The following CHD6 variants were observed in gnomAD, a reference collection of about 807,000 sequenced individuals.
CHD6 encodes ATP-dependent chromatin remodeler CHD6.
A neutral mutation model predicts 276.9 loss-of-function variants in CHD6; 50 were observed. The observed-to-expected ratio is 0.18, with a 90% CI of 0.14 to 0.23. CHD6 has a LOEUF of 0.23. Ranked by LOEUF, CHD6 falls within the 10% of genes least tolerant of loss-of-function variation. The pLI is 1.00. For missense variants in CHD6, 2,564 were observed against 3,365.8 expected (o/e 0.76, Z 5.89); for synonymous variants, 1,173 against 1,229.3 (o/e 0.95, Z 0.96).
At chr20:41,581,548 G>A (rs1601164083) in intron 1 of CHD6, among the ~76,000 whole-genome samples, 1 of 151,932 alleles carries the variant, frequency 6.6e-6, no homozygotes, top group Admixed American at 6.6e-5. Context: ...GGTGGTGCGT[G>A]CCTATAGTCC....
At chr20:41,532,679 A>C (rs1399570230) in intron 3 of CHD6, among the ~76,000 whole-genome samples, 1 of 152,226 alleles carries the variant, frequency 6.6e-6, no homozygotes, top group Admixed American at 6.5e-5. Context: ...GACACAAAGA[A>C]CATATAAACA....
intron 20 of CHD6, among the ~76,000 whole-genome samples, chr20:41,453,359 C>T (rs2048297661): frequency 6.6e-6 from 1 of 152,210 alleles, no homozygotes; most frequent in Non-Finnish European, 1.5e-5. Context: ...TCCATCTGCT[C>T]AGCAACTTTC....
intron 11 of CHD6, 80 bp downstream of exon 11, chr20:41,491,618 T>C (rs1477924876): frequency 1.7e-5 from 26 of 1,544,244 alleles, no homozygotes; most frequent in Non-Finnish European, 2.3e-5. Flanking sequence ...ACCAGTCTGC[T>C]ACTGCGACTC....
At chr20:41,448,764 G>C (rs1038818464) in intron 23 of CHD6, among the ~76,000 whole-genome samples, 1 of 152,110 alleles carries the variant, frequency 6.6e-6, no homozygotes, top group Non-Finnish European at 1.5e-5. Context: ...ATTAGATCTG[G>C]GTAGAAAGTG....
At chr20:41,595,094 C>T (rs998996250) in intron 1 of CHD6, among the ~76,000 whole-genome samples, 3 of 152,188 alleles carry the variant, frequency 2.0e-5, no homozygotes, top group African/African-American at 4.8e-5. Context: ...ATGTGTCCCA[C>T]TGCCTTGTTG....
intron 5 of CHD6, among the ~76,000 whole-genome samples, chr20:41,501,520 C>T (rs2043828941): frequency 6.6e-6 from 1 of 152,024 alleles, no homozygotes; most frequent in Non-Finnish European, 1.5e-5. Context: ...TTTTTTAACA[C>T]TGTGAAGTAT....
chr20:41,534,532 C>G (rs2044777543), intron 2 of CHD6, among the ~76,000 whole-genome samples: 1 of 150,360 alleles, frequency 6.7e-6, no homozygotes, highest in African/African-American at 2.5e-5. Flanking sequence ...CCAAACATAA[C>G]ACTGAGAATC....
At position 41,574,658 on chromosome 20, in the gene CHD6, C is replaced by T. The variant is rs115038245; in HGVS notation, c.-23-23298G>A. Among the ~76,000 whole-genome samples, 1,354 of 152,092 alleles carry T rather than the reference C, an allele frequency of 8.9e-3. 17 individuals carry two copies. Among genetic ancestry groups the T allele is most frequent in the African/African-American group, 0.024 (1,003 of 41,464 alleles). Reference sequence around the variant, plus strand: ...CAGTGAGTCTAAAGAATATGCAGAACGATTATGAGGTAATATAAACTGGAA... The same window carrying T: ...CAGTGAGTCTAAAGAATATGCAGAATGATTATGAGGTAATATAAACTGGAA... On this transcript the variant is annotated intron_variant, in intron 1 of 36. Transcript: ENST00000373233.
In CHD6 at chr20:41,493,532, C is replaced by G. The variant is rs779297604; in HGVS notation, c.1314+6G>C. 6.2e-7 allele frequency: 1 copy of G among 1,613,166 alleles called. No homozygotes were observed. The highest frequency in any genetic ancestry group is 1.3e-5 in the African/African-American group (1 of 74,886). ...GAAGTGCCAGAGAGAGACAAAACTA[C>G]TTTACCACATGCTTAATTTCAGGGA... is the stretch of plus-strand genomic sequence containing the variant. On this transcript the variant is annotated splice_donor_region_variant and intron_variant, in intron 10 of 36. Coordinates refer to ENST00000373233, the MANE Select transcript of CHD6 (RefSeq NM_032221.5).
chr20:41,510,698 GAA>G (rs2044097218), intron 5 of CHD6, among the ~76,000 whole-genome samples: 1 of 152,204 alleles, frequency 6.6e-6, no homozygotes, highest in Non-Finnish European at 1.5e-5. Context: ...TGCCAGGGGA[GAA>G]GTCATAACAA....
chr20:41,569,177 G>C (rs1283712006), intron 1 of CHD6, among the ~76,000 whole-genome samples: 2 of 152,164 alleles, frequency 1.3e-5, no homozygotes, highest in Admixed American at 1.3e-4. Context: ...CTAGCAATAG[G>C]ATCCTCCTGC....
At chr20:41,447,803 G>A (rs915172421) in intron 24 of CHD6, 79 bp downstream of exon 24, 2 of 1,015,398 alleles carry the variant, frequency 2.0e-6, no homozygotes, top group Admixed American at 4.0e-5. Flanking sequence ...TTTAAGCACA[G>A]GCAAGTTTGG....
At chr20:41,493,719 G>T in intron 9 of CHD6, 47 bp from the exon 10 acceptor site, 1 of 1,606,274 alleles carries the variant, frequency 6.2e-7, no homozygotes, top group South Asian at 1.1e-5. Context: ...TAGGTTAAAG[G>T]AGTCAGTAGT....
chr20:41,514,893 G>A lies in CHD6; in HGVS notation c.614C>T (p.Thr205Ile), dbSNP rs1200549153. ...ATCCAGCTCTAAACTCTCCACTGTA[G>A]TTTCACTTTTCCTTTTTCCTTTCTT... ...KKKKGKRKSE[T>I]TVESLELDQG... is the part of the protein sequence containing the mutation. Residue 205 changes from threonine (T) to isoleucine (I), a missense_variant, in exon 4 of 37, where the codon ACT (threonine) becomes ATT (isoleucine). Physicochemically the swap from Thr to Ile is moderately conservative, Grantham distance 89. Around this residue, in one of 7 missense-constraint regions of CHD6, gnomAD observed 286 missense variants for 297.8 expected, o/e 0.96. Coordinates refer to ENST00000373233, the MANE Select transcript of CHD6 (RefSeq NM_032221.5). 1.2e-6 allele frequency: 2 copies of A among 1,614,044 alleles called. No homozygotes were observed. The highest frequency in any genetic ancestry group is 1.7e-6 in the Non-Finnish European group (2 of 1,179,938).
At chr20:41,535,926 G>T (rs1028651798) in intron 2 of CHD6, among the ~76,000 whole-genome samples, 1 of 152,306 alleles carries the variant, frequency 6.6e-6, no homozygotes, top group Non-Finnish European at 1.5e-5. Context: ...GAAAGGTCAT[G>T]CAGTTCTTGA....
At chr20:41,548,632 A>G (rs1419690309) in intron 2 of CHD6, among the ~76,000 whole-genome samples, 3 of 152,318 alleles carry the variant, frequency 2.0e-5, no homozygotes, top group African/African-American at 7.2e-5. Flanking sequence ...ACAAAAGCCA[A>G]AATTGACAAA....
chr20:41,521,126 A>G (rs1432861246), intron 3 of CHD6, among the ~76,000 whole-genome samples: 8 of 152,216 alleles, frequency 5.3e-5, no homozygotes, highest in Admixed American at 4.6e-4. Context: ...TTAAAGTTCT[A>G]CATATTAAAA....
chr20:41,544,170 G>A (rs2044997313), intron 2 of CHD6, among the ~76,000 whole-genome samples: 1 of 152,146 alleles, frequency 6.6e-6, no homozygotes. Context: ...AACCCGGGAG[G>A]TGGAGGTTGC....
At chr20:41,562,522 T>C (rs894861298) in intron 1 of CHD6, among the ~76,000 whole-genome samples, 9 of 152,256 alleles carry the variant, frequency 5.9e-5, no homozygotes, top group African/African-American at 2.2e-4. Flanking sequence ...ATGAATTCTT[T>C]TAGATGCCCA....
Sources: allele counts gnomAD v4.1 joint callset (sites outside exome capture counted in the v4.1 genomes callset), GRCh38; gene constraint gnomAD v4.1.1; regional missense constraint gnomAD v4.1.1; transcripts MANE v1.5; gene names NCBI Gene and HGNC (gene_info 2026-07-23, HGNC 2026-07-21).